The following AIMP1 variants were observed in gnomAD, a reference collection of about 807,000 sequenced individuals.
AIMP1 encodes aminoacyl tRNA synthetase complex interacting multifunctional protein 1, also known as aminoacyl tRNA synthase complex-interacting multifunctional protein 1.
AIMP1 carries 24 observed loss-of-function variants against 33.1 expected under a neutral mutation model. The observed-to-expected ratio is 0.73, with a 90% confidence interval of 0.53 to 1.02. The LOEUF (loss-of-function observed/expected upper bound fraction) is 1.02, where lower values mean the gene tolerates loss of function less well. Among genes scored for constraint, AIMP1 ranks in the 50% least tolerant of loss-of-function variants. The probability of loss-of-function intolerance (pLI) is 0.00; values close to 1 mark genes in which losing one functional copy is unlikely to be tolerated. For missense variants in AIMP1, 367 were observed against 364.8 expected, an observed-to-expected ratio of 1.01 and a Z score of -0.05; for synonymous variants, 120 against 121.5, an observed-to-expected ratio of 0.99 and a Z score of 0.08.
intron 5 of AIMP1, 43 bp from the exon 6 acceptor site, chr4:106,336,826 T>C: frequency 6.4e-7 from 1 of 1,571,718 alleles, no homozygotes; most frequent in Non-Finnish European, 8.8e-7. Flanking sequence ...TGATTAGGCT[T>C]AATCTGTGTA....
intron 6 of AIMP1, among the ~76,000 whole-genome samples, chr4:106,340,075 AAAG>A (rs1770037884): frequency 6.6e-6 from 1 of 152,194 alleles, no homozygotes; most frequent in South Asian, 2.1e-4. Flanking sequence ...GACCTGATAA[AAAG>A]AAAAACAGTT....
intron 6 of AIMP1, among the ~76,000 whole-genome samples, chr4:106,338,005 A>G (rs1769955360): frequency 6.6e-6 from 1 of 152,186 alleles, no homozygotes; most frequent in African/African-American, 2.4e-5. Context: ...GATCTATGGA[A>G]CTTTGAACTT....
At chr4:106,345,045 C>G (rs1003751977) in intron 6 of AIMP1, among the ~76,000 whole-genome samples, 1 of 152,154 alleles carries the variant, frequency 6.6e-6, no homozygotes, top group South Asian at 2.1e-4. Context: ...ATATGTACAG[C>G]ACTCAGTACA....
chr4:106,336,956 A>G lies in AIMP1; in HGVS notation c.691A>G (p.Ser231Gly), dbSNP rs1241395611. The change falls in exon 6 of 7, where the codon AGT becomes GGT. Residue 231 changes from serine (S) to glycine (G), a missense_variant. Coordinates refer to ENST00000672341, the MANE Select transcript of AIMP1 (RefSeq NM_001142416.2). ...VLSQAMVMCASSPEKIEILAP... is the reference protein window; with the variant it reads ...VLSQAMVMCAGSPEKIEILAP... ...ATCTCAAGCAATGGTCATGTGTGCT[A>G]GTTCACCAGAGAAAATTGAAATCTT... is the stretch of plus-strand genomic sequence containing the variant. 1.2e-6 allele frequency: 2 copies of G among 1,613,934 alleles called. No individual in the cohort carries two copies. Among genetic ancestry groups the G allele is most frequent in the African/African-American group, 1.3e-5 (1 of 74,932 alleles).
rs36110860 is a variant in AIMP1, at chr4:106,328,121, C to T, written c.269C>T (p.Ser90Phe). ...TCTGGTACTCCACTGCACGCTAATT[C>T]TATGGTTTCTGAAAATGTGATACAG... ...FPSGTPLHAN[S>F]MVSENVIQST... The change falls in exon 4 of 7, where the codon TCT becomes TTT. Residue 90 changes from serine to phenylalanine, a missense_variant. Ser to Phe is a radical substitution (Grantham distance 155). Coordinates refer to ENST00000672341, the MANE Select transcript of AIMP1 (RefSeq NM_001142416.2). 1.9e-6 allele frequency: 3 copies of T among 1,613,314 alleles called. No individual in the cohort carries two copies. The highest frequency in any genetic ancestry group is 4.5e-5 in the East Asian group (2 of 44,816).
intron 2 of AIMP1, 57 bp from the exon 3 acceptor site, chr4:106,327,394 G>A: frequency 1.6e-6 from 2 of 1,254,020 alleles, no homozygotes; most frequent in Non-Finnish European, 2.3e-6. Flanking sequence ...TTTTCAAATA[G>A]TATTCATACA....
intron 6 of AIMP1, among the ~76,000 whole-genome samples, chr4:106,337,683 C>T (rs1465754657): frequency 3.9e-5 from 6 of 152,174 alleles, no homozygotes; most frequent in East Asian, 3.9e-4. Context: ...AGTGTGGAAG[C>T]GACTTTGGAA....
intron 6 of AIMP1, among the ~76,000 whole-genome samples, chr4:106,338,581 T>G (rs1769980125): frequency 6.6e-6 from 1 of 152,142 alleles, no homozygotes; most frequent in Non-Finnish European, 1.5e-5. Context: ...TTTCAGAAGA[T>G]GTATGGAAGC....
chr4:106,346,715 T>G (rs1246947267), intron 6 of AIMP1, among the ~76,000 whole-genome samples: 4 of 152,216 alleles, frequency 2.6e-5, no homozygotes, highest in African/African-American at 9.6e-5. Flanking sequence ...TTTTGTATTT[T>G]GAAACATATT....
chr4:106,336,810 T>C, intron 5 of AIMP1, 59 bp from the exon 6 acceptor site: 10 of 1,478,770 alleles, frequency 6.8e-6, no homozygotes, highest in Non-Finnish European at 9.5e-6. Context: ...TAATGTAGTC[T>C]GGATATGATT....
intron 1 of AIMP1, 31 bp from the exon 2 acceptor site, chr4:106,324,954 G>A: frequency 1.9e-6 from 3 of 1,555,056 alleles, no homozygotes; most frequent in Admixed American, 1.9e-5. Flanking sequence ...TCCTTTCACA[G>A]TGTAATTTAT....
At chr4:106,347,493 G>A in intron 6 of AIMP1, 33 bp from the exon 7 acceptor site, 1 of 1,596,286 alleles carries the variant, frequency 6.3e-7, no homozygotes, top group Non-Finnish European at 8.6e-7. Context: ...TATTAGCTGT[G>A]TAATTTTCTT....
At chr4:106,333,139 AGGTCACTTGTGATTATTT>A in intron 5 of AIMP1, among the ~76,000 whole-genome samples, 1 of 152,214 alleles carries the variant, frequency 6.6e-6, no homozygotes, top group East Asian at 1.9e-4. Flanking sequence ...TTGAGGTGGA[AGGTCACTTGTGATTATTT>A]GGTATTTATC....
At chr4:106,319,070 C>T (rs1008988573) in intron 1 of AIMP1, among the ~76,000 whole-genome samples, 9 of 152,048 alleles carry the variant, frequency 5.9e-5, no homozygotes, top group African/African-American at 1.7e-4. Context: ...TTTTTACCTA[C>T]TGTAATTCTG....
At chr4:106,346,334 A>C (rs1770296118) in intron 6 of AIMP1, among the ~76,000 whole-genome samples, 1 of 152,168 alleles carries the variant, frequency 6.6e-6, no homozygotes, top group East Asian at 1.9e-4. Flanking sequence ...GGTATTAACC[A>C]CATGTAAAAA....
At chr4:106,315,840 A>AT (rs1355164057), upstream of AIMP1, 1 of 152,540 alleles carries the variant, frequency 6.6e-6, no homozygotes, top group Non-Finnish European at 1.5e-5. Flanking sequence ...TTCTGAAGAC[A>AT]TGCGGGGCCA....
intron 6 of AIMP1, among the ~76,000 whole-genome samples, chr4:106,344,020 T>C (rs1770198240): frequency 2.0e-5 from 3 of 152,164 alleles, no homozygotes; most frequent in Admixed American, 1.3e-4. Context: ...CCAGAACTGC[T>C]TTGGGTAAGA....
intron 1 of AIMP1, among the ~76,000 whole-genome samples, chr4:106,324,255 G>T (rs1769376835): frequency 1.3e-5 from 2 of 152,008 alleles, no homozygotes; most frequent in South Asian, 4.2e-4. Context: ...ACAGTTCATA[G>T]TATTACTAAT....
At chr4:106,333,524 T>C (rs930091512) in intron 5 of AIMP1, among the ~76,000 whole-genome samples, 1 of 152,144 alleles carries the variant, frequency 6.6e-6, no homozygotes. Flanking sequence ...GCCAGTGAAG[T>C]TTGGGTTTTA....
Sources: allele counts gnomAD v4.1 joint callset (sites outside exome capture counted in the v4.1 genomes callset), GRCh38; gene constraint gnomAD v4.1.1; transcripts MANE v1.5; gene names NCBI Gene and HGNC (gene_info 2026-07-23, HGNC 2026-07-21).